Variants in AKR1C3 observed in about 807,000 individuals in gnomAD.
AKR1C3 encodes 3-alpha hydroxysteroid dehydrogenase, type II.
AKR1C3 carries 48 observed loss-of-function variants against 43.6 expected under a neutral mutation model. That is an observed-to-expected ratio of 1.10 (90% CI 0.87 to 1.40). The LOEUF (loss-of-function observed/expected upper bound fraction) is 1.40. AKR1C3 is among the 40% of genes most tolerant of loss of function. The pLI is 0.00. For synonymous variants in AKR1C3, 162 were observed against 139.6 expected (o/e 1.16, Z -1.13); for missense variants, 482 against 391.2 (o/e 1.23, Z -1.96).
chr10:5,097,047 C>T (rs1364059296), intron 2 of AKR1C3, among the ~76,000 whole-genome samples: 2 of 152,110 alleles, frequency 1.3e-5, no homozygotes, highest in Non-Finnish European at 2.9e-5. Flanking sequence ...TTTTACCCCC[C>T]TTTTATGTTG....
intron 1 of AKR1C3, among the ~76,000 whole-genome samples, chr10:5,060,921 G>A (rs1486776925): frequency 6.6e-6 from 1 of 152,214 alleles, no homozygotes; most frequent in East Asian, 1.9e-4. Flanking sequence ...CTTGCGGGCT[G>A]GCCAGCTGCT....
chr10:5,096,876 CTTATCGCCTGG>C lies in AKR1C3; in HGVS notation c.252+300_252+310del, dbSNP rs1839219192. Among the ~76,000 whole-genome samples the C allele has an allele frequency of 3.9e-5, 6 of 152,162 alleles. No homozygotes were observed. The South Asian group carries it at 1.2e-3, about 32-fold the overall frequency. On this transcript the variant is annotated intron_variant, in intron 2 of 8. Coordinates refer to ENST00000380554, the MANE Select transcript of AKR1C3 (RefSeq NM_003739.6). ...GAACAATAATCATGTTATGGTTTTT[CTTATCGCCTGG>C]GTGATTTTCTAAGATTTCTTATTAT... is the stretch of plus-strand genomic sequence containing the variant.
chr10:5,072,683 G>T (rs1457216940), intron 1 of AKR1C3, among the ~76,000 whole-genome samples: 2 of 152,118 alleles, frequency 1.3e-5, no homozygotes, highest in African/African-American at 4.8e-5. Context: ...TTTTCCTTGG[G>T]ATAAAGGTGA....
Position 5,102,659 on chromosome 10 carries a change from C to T in AKR1C3, c.846+9C>T, listed in dbSNP as rs782804472. ...TCAGACAGAACGTGCAGGTGAGGAG[C>T]GGGGCTGTGGGCCTCAGGTCTCCTG... On this transcript the variant is annotated intron_variant, in intron 7 of 8. Coordinates refer to ENST00000380554, the MANE Select transcript of AKR1C3 (RefSeq NM_003739.6). The T allele has an allele frequency of 1.8e-5, 26 of 1,454,630 alleles. No homozygotes were observed. Among genetic ancestry groups the T allele is most frequent in the South Asian group, 2.9e-5 (2 of 67,852 alleles). The allele number at this position is 1,454,630 out of a possible 1,614,324, so 90.1% of individuals were successfully genotyped here. A position where few individuals can be genotyped will look rare whatever the true frequency, so the allele number is the denominator to read the frequency against.
intron 1 of AKR1C3, among the ~76,000 whole-genome samples, chr10:5,072,596 CAAGAAA>C (rs1838634579): frequency 2.0e-5 from 3 of 152,110 alleles, no homozygotes; most frequent in Non-Finnish European, 2.9e-5. Context: ...ATGAAAATAT[CAAGAAA>C]GATAACTTCC....
At chr10:5,051,083 G>T (rs537769985) in intron 1 of AKR1C3, among the ~76,000 whole-genome samples, 1 of 152,230 alleles carries the variant, frequency 6.6e-6, no homozygotes, top group African/African-American at 2.4e-5. Flanking sequence ...TTGACTGTGT[G>T]TGTGTTTTGT....
intron 8 of AKR1C3, 25 bp from the exon 9 acceptor site, chr10:5,107,436 A>G (rs1554787502): frequency 6.7e-7 from 1 of 1,483,864 alleles, no homozygotes; most frequent in South Asian, 1.1e-5. Context: ...CATTGCATTT[A>G]TATTATACAT....
upstream of AKR1C3, among the ~76,000 whole-genome samples, chr10:5,092,513 G>A (rs1839117791): frequency 6.8e-6 from 1 of 147,438 alleles, no homozygotes; most frequent in Non-Finnish European, 1.5e-5. Flanking sequence ...TAGACTCAAG[G>A]ATGTAAAATA....
intron 1 of AKR1C3, among the ~76,000 whole-genome samples, chr10:5,068,999 CTG>C (rs782651266): frequency 9.9e-5 from 15 of 152,222 alleles, no homozygotes; most frequent in Non-Finnish European, 2.1e-4. Flanking sequence ...ATCTTTAAAA[CTG>C]TTTATTTCCT....
At chr10:5,075,353 G>GGC (rs1838694784) in intron 1 of AKR1C3, among the ~76,000 whole-genome samples, 1 of 151,956 alleles carries the variant, frequency 6.6e-6, no homozygotes, top group African/African-American at 2.4e-5. Context: ...TTTTTCCCTT[G>GGC]GCCCCCACCA....
intron 1 of AKR1C3, among the ~76,000 whole-genome samples, chr10:5,061,673 A>G (rs1472946294): frequency 2.0e-5 from 3 of 152,204 alleles, no homozygotes; most frequent in Non-Finnish European, 4.4e-5. Flanking sequence ...CTGATGCCCA[A>G]TTACAGTATT....
Position 5,102,215 on chromosome 10 carries a change from TA to T in AKR1C3, c.680+10del. 3 of 1,609,324 alleles carry T rather than the reference TA, an allele frequency of 1.9e-6. No homozygotes were observed. The highest frequency in any genetic ancestry group is 2.6e-6 in the Non-Finnish European group (3 of 1,175,950). On this transcript the variant is annotated splice_donor_region_variant and intron_variant, in intron 6 of 8. Transcript: ENST00000380554. ...ATCTCAACGAGACAAACGATGGTAATAAAAACAATGGGACCTTTACATAAAC... is the reference window on the plus strand; with the variant it reads ...ATCTCAACGAGACAAACGATGGTAATAAAACAATGGGACCTTTACATAAAC...
rs570730818 is a variant in AKR1C3 at position 5,056,737 on chromosome 10, C to T, written c.84+7842C>T. Among the ~76,000 whole-genome samples the T allele has an allele frequency of 3.9e-5, 6 of 152,276 alleles. No homozygotes were observed. The East Asian group carries it at 7.7e-4, about 20-fold the overall frequency. On this transcript the variant is annotated intron_variant, in intron 1 of 8. Coordinates refer to the AKR1C3 transcript ENST00000439082. ...AAATGGGTAACTTGTTTCCCATATT[C>T]ATGTAGATAATAGCTCCAGCCTTGG...
chr10:5,086,762 G>A (rs1442588800), intron 1 of AKR1C3, among the ~76,000 whole-genome samples: 9 of 152,184 alleles, frequency 5.9e-5, no homozygotes, highest in African/African-American at 2.2e-4. Context: ...GGGTGCTCCT[G>A]TATTGGATGC....
chr10:5,069,982 C>G (rs1319540593), intron 1 of AKR1C3, among the ~76,000 whole-genome samples: 2 of 152,136 alleles, frequency 1.3e-5, no homozygotes, highest in African/African-American at 4.8e-5. Context: ...CAATTGCCTT[C>G]AATTTTCAAG....
At chr10:5,097,636 T>G in intron 3 of AKR1C3, 86 bp downstream of exon 3, 2 of 1,601,940 alleles carry the variant, frequency 1.2e-6, no homozygotes, top group East Asian at 2.3e-5. Context: ...AGCTTTTTAT[T>G]AGGAGGATGT....
At chr10:5,079,226 G>A (rs1838778812) in intron 1 of AKR1C3, among the ~76,000 whole-genome samples, 1 of 152,280 alleles carries the variant, frequency 6.6e-6, no homozygotes, top group South Asian at 2.1e-4. Flanking sequence ...CAGGAGGCAG[G>A]AGTGGGGCCC....
At chr10:5,064,558 C>T (rs574199580) in intron 1 of AKR1C3, among the ~76,000 whole-genome samples, 2 of 152,222 alleles carry the variant, frequency 1.3e-5, no homozygotes, top group South Asian at 2.1e-4. Flanking sequence ...ACAGCTTCTA[C>T]ACAGCAAAAG....
intron 1 of AKR1C3, among the ~76,000 whole-genome samples, chr10:5,076,839 C>G (rs1267402197): frequency 1.3e-5 from 2 of 152,162 alleles, no homozygotes; most frequent in Non-Finnish European, 2.9e-5. Flanking sequence ...GGAGCACTGC[C>G]TTTGCTTTAT....
Sources: gnomAD v4.1 joint callset for allele counts (sites outside exome capture counted in the v4.1 genomes callset) on GRCh38, gnomAD v4.1.1 for gene constraint, MANE v1.5 for transcripts, NCBI Gene and HGNC (gene_info 2026-07-23, HGNC 2026-07-21) for gene names.